DSCAM: variants seen among roughly 807,000 people sequenced by gnomAD.
The protein encoded by DSCAM is DS cell adhesion molecule, also known as cell adhesion molecule DSCAM.
A neutral mutation model predicts 217.7 loss-of-function variants in DSCAM; 47 were observed. That is an observed-to-expected ratio of 0.22 (90% confidence interval 0.17 to 0.28). DSCAM has a LOEUF of 0.28. DSCAM is among the 10% of genes least tolerant of loss of function. The pLI is 1.00. For synonymous variants in DSCAM, 1,056 were observed against 1,015.3 expected (o/e 1.04, Z -0.76); for missense variants, 2,080 against 2,618.3 (o/e 0.79, Z 4.49).
intron 3 of DSCAM, 87 bp from the exon 4 acceptor site, chr21:40,369,332 T>G (rs966650929): frequency 7.3e-7 from 1 of 1,366,250 alleles, no homozygotes; most frequent in Non-Finnish European, 9.8e-7. Flanking sequence ...GTTTTTTTTT[T>G]CCCCCACCTG....
At chr21:40,378,296 G>A (rs549065645) in intron 3 of DSCAM, among the ~76,000 whole-genome samples, 2 of 152,076 alleles carry the variant, frequency 1.3e-5, no homozygotes, top group Non-Finnish European at 2.9e-5. Flanking sequence ...CAGGAGATTA[G>A]AACAAAAAAT....
At chr21:40,803,628 T>C (rs570907126) in intron 1 of DSCAM, among the ~76,000 whole-genome samples, 3 of 152,302 alleles carry the variant, frequency 2.0e-5, no homozygotes, top group African/African-American at 7.2e-5. Flanking sequence ...TTGTTAAACC[T>C]TGTAGTTGGT....
intron 1 of DSCAM, among the ~76,000 whole-genome samples, chr21:40,739,347 A>G (rs2091098494): frequency 6.6e-6 from 1 of 152,192 alleles, no homozygotes; most frequent in South Asian, 2.1e-4. Flanking sequence ...AAAAGGATGT[A>G]TTCTTTGACA....
At chr21:40,581,753 C>T (rs183325785) in intron 3 of DSCAM, among the ~76,000 whole-genome samples, 2 of 152,224 alleles carry the variant, frequency 1.3e-5, no homozygotes, top group East Asian at 3.9e-4. Context: ...TGGAAACAGA[C>T]AAAAAGGCAT....
rs1195030643 is a variant in DSCAM, at chr21:40,078,930, T to C, written c.4468A>G (p.Thr1490Ala). The C allele has an allele frequency of 6.2e-7, 1 of 1,614,104 alleles. No homozygotes were observed. The highest frequency in any genetic ancestry group is 8.5e-7 in the Non-Finnish European group (1 of 1,180,048). ...CCAATGAGGTTCAGCCTCACGCGTG[T>C]GGTGTTGATGCTGGCAAACAGCTCC... is the stretch of plus-strand genomic sequence containing the variant. The part of the protein sequence containing the change: ...EQELFASINT[T>A]RVRLNLIGWN... Residue 1490 changes from threonine to alanine, a missense_variant, in exon 26 of 33, where the codon ACA (threonine) becomes GCA (alanine). Physicochemically the swap from Thr to Ala is moderately conservative, Grantham distance 58 (BLOSUM62 0). This residue lies in a region of DSCAM where 1,144 missense variants were observed against 1,421.1 expected (regional missense o/e 0.81). Transcript: ENST00000400454.
chr21:40,170,993 G>C (rs2090650996), intron 15 of DSCAM, among the ~76,000 whole-genome samples: 1 of 152,158 alleles, frequency 6.6e-6, no homozygotes, highest in Non-Finnish European at 1.5e-5. Flanking sequence ...GTGTTTACAA[G>C]AATGTCCCCA....
chr21:40,647,735 G>A (rs2089964663), intron 3 of DSCAM, among the ~76,000 whole-genome samples: 1 of 152,172 alleles, frequency 6.6e-6, no homozygotes, highest in African/African-American at 2.4e-5. Context: ...GATAATAGTA[G>A]CTAATAGCTA....
intron 10 of DSCAM, among the ~76,000 whole-genome samples, chr21:40,285,339 A>G (rs1270630585): frequency 2.0e-5 from 3 of 152,200 alleles, no homozygotes; most frequent in African/African-American, 7.2e-5. Flanking sequence ...GGCTTCCAGA[A>G]AGTTTCCCAG....
At chr21:40,441,435 T>C (rs1422496873) in intron 3 of DSCAM, among the ~76,000 whole-genome samples, 2 of 152,172 alleles carry the variant, frequency 1.3e-5, no homozygotes, top group East Asian at 1.9e-4. Context: ...AAGATATAGA[T>C]ATTTACCATC....
At chr21:40,400,876 T>A (rs553517364) in intron 3 of DSCAM, among the ~76,000 whole-genome samples, 1 of 152,356 alleles carries the variant, frequency 6.6e-6, no homozygotes, top group Non-Finnish European at 1.5e-5. Flanking sequence ...GTTATGCAGA[T>A]CTTTCAAATG....
intron 3 of DSCAM, among the ~76,000 whole-genome samples, chr21:40,392,088 A>G (rs1460161057): frequency 6.6e-6 from 1 of 152,160 alleles, no homozygotes; most frequent in Non-Finnish European, 1.5e-5. Context: ...CATTATCTCC[A>G]TGGTTATTCT....
chr21:40,178,143 T>A (rs75680894), intron 15 of DSCAM, among the ~76,000 whole-genome samples: 4,585 of 152,304 alleles, frequency 0.03, 228 homozygotes, highest in African/African-American at 0.11. Context: ...ACAATCAGCA[T>A]TCATGGACCA....
At chr21:40,407,870 T>G (rs771774272) in intron 3 of DSCAM, among the ~76,000 whole-genome samples, 2 of 152,232 alleles carry the variant, frequency 1.3e-5, no homozygotes, top group Non-Finnish European at 2.9e-5. Flanking sequence ...AATAACTTTC[T>G]GGGTGATTTG....
At chr21:40,315,824 T>C (rs940046252) in intron 8 of DSCAM, among the ~76,000 whole-genome samples, 2 of 152,196 alleles carry the variant, frequency 1.3e-5, no homozygotes, top group African/African-American at 2.4e-5. Flanking sequence ...AGTTATCTGA[T>C]ATCTTGGCCT....
At chr21:40,309,600 C>T (rs1478742507) in intron 9 of DSCAM, among the ~76,000 whole-genome samples, 2 of 152,106 alleles carry the variant, frequency 1.3e-5, no homozygotes, top group African/African-American at 4.8e-5. Context: ...TTGTCAATAC[C>T]GTTCTTCCTC....
intron 3 of DSCAM, among the ~76,000 whole-genome samples, chr21:40,580,511 C>T (rs1270930276): frequency 6.6e-6 from 1 of 151,682 alleles, no homozygotes; most frequent in Non-Finnish European, 1.5e-5. Context: ...ACAGCTATAG[C>T]TTGGGTGACA....
intron 15 of DSCAM, among the ~76,000 whole-genome samples, chr21:40,169,540 C>G (rs2090633158): frequency 6.6e-6 from 1 of 152,036 alleles, no homozygotes; most frequent in African/African-American, 2.4e-5. Flanking sequence ...GAGGACCAAG[C>G]AGGAAGCTGA....
At chr21:40,750,433 A>G (rs2091216720) in intron 1 of DSCAM, among the ~76,000 whole-genome samples, 1 of 152,066 alleles carries the variant, frequency 6.6e-6, no homozygotes, top group Non-Finnish European at 1.5e-5. Flanking sequence ...GCTGGTTCCT[A>G]CTTCCTGATT....
chr21:40,625,175 T>G (rs2089583433), intron 3 of DSCAM, among the ~76,000 whole-genome samples: 1 of 152,110 alleles, frequency 6.6e-6, no homozygotes, highest in African/African-American at 2.4e-5. Flanking sequence ...TGAGAGATGT[T>G]GATGAAGTTC....
Sources: allele counts gnomAD v4.1 joint callset (sites outside exome capture counted in the v4.1 genomes callset), GRCh38; gene constraint gnomAD v4.1.1; regional missense constraint gnomAD v4.1.1; transcripts MANE v1.5; gene names NCBI Gene and HGNC (gene_info 2026-07-23, HGNC 2026-07-21).